Variants in KPNA3 observed in about 807,000 individuals in gnomAD.
KPNA3 encodes the protein karyopherin subunit alpha 3, also known as importin subunit alpha-4.
A neutral mutation model predicts 73.8 loss-of-function variants in KPNA3; 13 were observed. The ratio of observed to expected loss-of-function variants is 0.18; its 90% confidence interval spans 0.11 to 0.28. The LOEUF is 0.28. Among genes scored for constraint, KPNA3 ranks in the 10% least tolerant of loss-of-function variants. KPNA3 has a pLI of 1.00. For missense variants in KPNA3, 360 were observed against 618.1 expected (o/e 0.58, Z 4.43); for synonymous variants, 186 against 206.9 (o/e 0.90, Z 0.87).
At chr13:49,776,053 C>G (rs1954895839) in intron 1 of KPNA3, among the ~76,000 whole-genome samples, 1 of 152,050 alleles carries the variant, frequency 6.6e-6, no homozygotes, top group South Asian at 2.1e-4. Context: ...AGCAAATATC[C>G]AGCCCCTATC....
At chr13:49,707,037 C>A (rs185475644) in intron 12 of KPNA3, among the ~76,000 whole-genome samples, 2 of 152,284 alleles carry the variant, frequency 1.3e-5, no homozygotes, top group East Asian at 3.9e-4. Context: ...GCATGAGCCA[C>A]CGCGCCCAGC....
At chr13:49,703,884 T>G (rs1183230487) in intron 15 of KPNA3, among the ~76,000 whole-genome samples, 1 of 152,224 alleles carries the variant, frequency 6.6e-6, no homozygotes, top group East Asian at 1.9e-4. Flanking sequence ...GCCAAAGTGC[T>G]TTATACAATT....
chr13:49,764,893 G>C (rs915555161), intron 1 of KPNA3, among the ~76,000 whole-genome samples: 1 of 152,024 alleles, frequency 6.6e-6, no homozygotes, highest in African/African-American at 2.4e-5. Context: ...AATTCCATTG[G>C]CTCTGCTCTT....
At chr13:49,774,894 C>A (rs931024082) in intron 1 of KPNA3, among the ~76,000 whole-genome samples, 2 of 152,140 alleles carry the variant, frequency 1.3e-5, no homozygotes, top group African/African-American at 4.8e-5. Flanking sequence ...GTGGCTCATG[C>A]CTGTAATCCC....
intron 14 of KPNA3, 96 bp downstream of exon 14, chr13:49,706,001 CA>C: frequency 1.7e-6 from 2 of 1,195,652 alleles, no homozygotes; most frequent in Non-Finnish European, 1.2e-6. Context: ...ATCTTTTCCC[CA>C]AAAAGAACAC....
intron 6 of KPNA3, 32 bp downstream of exon 6, chr13:49,732,339 A>C: frequency 8.5e-7 from 1 of 1,171,964 alleles, no homozygotes; most frequent in Non-Finnish European, 1.2e-6. Flanking sequence ...TTAACTGAAA[A>C]AAACTGAATA....
At chr13:49,746,064 G>GAAAAAAAAAAAAAAA (rs398022733) in intron 2 of KPNA3, among the ~76,000 whole-genome samples, 2 of 83,088 alleles carry the variant, frequency 2.4e-5, no homozygotes, top group Non-Finnish European at 4.9e-5. Context: ...CTCTGCATCA[G>GAAAAAAAAAAAAAAA]AAAAAAAAAA....
At chr13:49,712,447 T>A (rs147745236) in intron 10 of KPNA3, among the ~76,000 whole-genome samples, 87 of 145,816 alleles carry the variant, frequency 6.0e-4, no homozygotes, top group African/African-American at 2.1e-3. Flanking sequence ...GAAAAAAAAA[T>A]AAATGAACCC....
intron 11 of KPNA3, among the ~76,000 whole-genome samples, chr13:49,710,106 T>C (rs1954246524): frequency 6.6e-6 from 1 of 151,914 alleles, no homozygotes; most frequent in African/African-American, 2.4e-5. Flanking sequence ...CTACTAGAAA[T>C]ACAAAAATTA....
chr13:49,781,527 G>T (rs1477446101), intron 1 of KPNA3, among the ~76,000 whole-genome samples: 1 of 152,112 alleles, frequency 6.6e-6, no homozygotes, highest in Non-Finnish European at 1.5e-5. Context: ...ACAATTACTG[G>T]TTATCATTAT....
At chr13:49,712,906 T>C (rs1471377354) in intron 10 of KPNA3, among the ~76,000 whole-genome samples, 2 of 149,918 alleles carry the variant, frequency 1.3e-5, no homozygotes, top group Non-Finnish European at 1.5e-5. Context: ...CACAGGGACA[T>C]TATTTCACAA....
chr13:49,712,550 C>T (rs1954269340), intron 10 of KPNA3, among the ~76,000 whole-genome samples: 1 of 149,676 alleles, frequency 6.7e-6, no homozygotes, highest in Non-Finnish European at 1.5e-5. Context: ...AGCACAATAA[C>T]AATAGATCTA....
chr13:49,708,252 C>T (rs961804525), intron 12 of KPNA3, among the ~76,000 whole-genome samples: 1 of 152,178 alleles, frequency 6.6e-6, no homozygotes, highest in African/African-American at 2.4e-5. Context: ...GCCTCGGCCT[C>T]CCAAAGTGCT....
intron 2 of KPNA3, among the ~76,000 whole-genome samples, chr13:49,743,760 G>A (rs568515338): frequency 6.6e-6 from 1 of 152,084 alleles, no homozygotes; most frequent in East Asian, 1.9e-4. Context: ...CACATTAGAA[G>A]GGCTAAAATG....
Position 49,792,581 on chromosome 13 carries a change from GGA to G in KPNA3, c.-77_-76del, listed in dbSNP as rs532345061. On this transcript the variant is annotated 5_prime_UTR_variant, in exon 1 of 17. Coordinates refer to ENST00000261667, the MANE Select transcript of KPNA3 (RefSeq NM_002267.4). ...GGCGGCGAATCTTGGAGCGGGAGGG[GGA>G]GGAGGGGGAGAGCGGGAGGGGGGAG... is the stretch of plus-strand genomic sequence containing the variant. The G allele has an allele frequency of 0.024, 18,525 of 757,560 alleles. 386 individuals carry two copies. The highest frequency in any genetic ancestry group is 0.029 in the Non-Finnish European group (13,861 of 475,796). The allele number at this position is 757,560 out of a possible 1,614,324, so 46.9% of individuals were successfully genotyped here. A position where few individuals can be genotyped will look rare whatever the true frequency, so the allele number is the denominator to read the frequency against.
intron 1 of KPNA3, among the ~76,000 whole-genome samples, chr13:49,780,727 T>C (rs568759349): frequency 3.3e-5 from 5 of 151,512 alleles, no homozygotes; most frequent in South Asian, 2.1e-4. Flanking sequence ...TTCTTTTTTT[T>C]TTTTTTTTTT....
At chr13:49,767,407 CTG>C (rs945520349) in intron 1 of KPNA3, among the ~76,000 whole-genome samples, 8 of 144,328 alleles carry the variant, frequency 5.5e-5, no homozygotes, top group Middle Eastern at 3.5e-3. Context: ...AGCCAAGACT[CTG>C]TCTCAATAAA....
chr13:49,744,703 C>T (rs1954601837), intron 2 of KPNA3, among the ~76,000 whole-genome samples: 1 of 152,080 alleles, frequency 6.6e-6, no homozygotes, highest in African/African-American at 2.4e-5. Context: ...GAACTCTTGA[C>T]CTCAGGTGAA....
chr13:49,710,403 T>C (rs1419439852), intron 11 of KPNA3, among the ~76,000 whole-genome samples: 1 of 152,036 alleles, frequency 6.6e-6, no homozygotes, highest in Non-Finnish European at 1.5e-5. Context: ...GAAATGCAAT[T>C]AGGTTATTGC....
Sources: gnomAD v4.1 joint callset for allele counts (sites outside exome capture counted in the v4.1 genomes callset) on GRCh38, gnomAD v4.1.1 for gene constraint, MANE v1.5 for transcripts, NCBI Gene and HGNC (gene_info 2026-07-23, HGNC 2026-07-21) for gene names.